The following ZNF311 variants were observed in gnomAD, a reference collection of about 807,000 sequenced individuals.
ZNF311 encodes zinc finger protein zfp31.
In ZNF311, 14 loss-of-function variants were observed where a neutral mutation model predicts 22.7. That is an observed-to-expected ratio of 0.62 (90% confidence interval 0.41 to 0.96). ZNF311 has a LOEUF of 0.96. ZNF311 is among the 40% of genes least tolerant of loss of function. The pLI is 0.00. For missense variants in ZNF311, 731 were observed against 799.0 expected (o/e 0.91, Z 1.03); for synonymous variants, 250 against 275.3 (o/e 0.91, Z 0.91).
rs371656599 is a variant in ZNF311, at chr6:28,999,549, T to G, written c.248A>C (p.Tyr83Ser). 1 of 1,613,718 alleles carries G rather than the reference T, an allele frequency of 6.2e-7. No homozygotes were observed. The highest frequency in any genetic ancestry group is 8.5e-7 in the Non-Finnish European group (1 of 1,180,000). Residue 83 changes from tyrosine to serine, a missense_variant, in exon 5 of 7, where the codon TAC becomes TCC. Tyr to Ser is a moderately radical substitution (Grantham distance 144). Coordinates refer to ENST00000377179, the MANE Select transcript of ZNF311 (RefSeq NM_001382360.1). ...ATCCTTATAGAGATGCCTTTGAGCG[T>G]AGGTCAGACACTGCCACTCCCTGTT... ...FTNREWQCLT[Y>S]AQRHLYKDVM...
At chr6:29,001,666 T>C (rs906982001) in intron 3 of ZNF311, among the ~76,000 whole-genome samples, 1 of 152,234 alleles carries the variant, frequency 6.6e-6, no homozygotes, top group Non-Finnish European at 1.5e-5. Context: ...TTCAAGTATA[T>C]AGAAAAGTTG....
Position 28,998,310 on chromosome 6 carries a change from C to T in ZNF311, c.415+424G>A, listed in dbSNP as rs146540312. ...CAGACCTCCCAAGCAGCTGGGATTA[C>T]ACCCAGCATGCACCACCACACCCAG... On this transcript the variant is annotated intron_variant, in intron 6 of 6. Transcript: ENST00000377179. 4.0e-3 allele frequency among the ~76,000 whole-genome samples: 611 copies of T among 151,186 alleles called. 14 individuals are homozygous for T. Among genetic ancestry groups the T allele is most frequent in the Admixed American group, 0.033 (500 of 15,202 alleles).
At chr6:29,002,953 T>C (rs1051753862) in intron 3 of ZNF311, among the ~76,000 whole-genome samples, 11 of 152,130 alleles carry the variant, frequency 7.2e-5, no homozygotes, top group Admixed American at 6.5e-4. Context: ...CTTAACCACT[T>C]TTCCTCCTCA....
intron 3 of ZNF311, 116 bp from the exon 4 acceptor site, chr6:29,000,163 G>T: frequency 1.1e-6 from 1 of 937,180 alleles, no homozygotes; most frequent in Non-Finnish European, 1.6e-6. Flanking sequence ...TAGGGCTTTA[G>T]GCTACTGCCT....
At position 29,003,600 on chromosome 6, in the gene ZNF311, G is replaced by A; in HGVS notation, c.10-6C>T. On this transcript the variant is annotated splice_region_variant and splice_polypyrimidine_tract_variant and intron_variant, in intron 2 of 6. Transcript: ENST00000377179. ...CTCTCATCCAACAGCACAACCTATT[G>A]CAAGACACAGAATGAATTCAGGAAA... The A allele has an allele frequency of 3.1e-6, 5 of 1,612,910 alleles. No individual in the cohort carries two copies. Among genetic ancestry groups the A allele is most frequent in the Non-Finnish European group, 4.2e-6 (5 of 1,179,958 alleles).
intron 1 of ZNF311, among the ~76,000 whole-genome samples, chr6:29,004,802 T>C (rs539856015): frequency 6.6e-6 from 1 of 152,270 alleles, no homozygotes; most frequent in South Asian, 2.1e-4. Flanking sequence ...TCCCACTCCC[T>C]CAATCTTCAG....
chr6:28,999,477 A>G lies in ZNF311; in HGVS notation c.310+10T>C. On this transcript the variant is annotated intron_variant, in intron 5 of 6. Transcript: ENST00000377179. Reference sequence around the variant, plus strand: ...AGGTAGAAAGCATTAAGTGTAGGGAAGGTCCTTACCAAGTGATACCATGTT... The same window carrying G: ...AGGTAGAAAGCATTAAGTGTAGGGAGGGTCCTTACCAAGTGATACCATGTT... The G allele has an allele frequency of 6.2e-7, 1 of 1,605,216 alleles. No individual in the cohort carries two copies. The highest frequency in any genetic ancestry group is 1.7e-4 in the Middle Eastern group (1 of 6,022).
intron 3 of ZNF311, among the ~76,000 whole-genome samples, chr6:29,002,959 C>T (rs1034954127): frequency 7.9e-5 from 12 of 152,142 alleles, no homozygotes; most frequent in African/African-American, 2.4e-4. Flanking sequence ...CACTTTTCCT[C>T]CTCACATACG....
At chr6:29,004,788 C>G (rs1446694668) in intron 1 of ZNF311, among the ~76,000 whole-genome samples, 1 of 152,162 alleles carries the variant, frequency 6.6e-6, no homozygotes, top group Non-Finnish European at 1.5e-5. Context: ...ACCTTCTACT[C>G]TTCTCCCACT....
At position 29,003,587 on chromosome 6, in the gene ZNF311, A is replaced by G; in HGVS notation, c.17T>C (p.Leu6Pro). The change falls in exon 3 of 7, where the codon CTG becomes CCG. Residue 6 changes from leucine to proline, a missense_variant. By Grantham distance (98) the Leu-to-Pro change is moderately conservative (BLOSUM62 -3). Transcript: ENST00000377179. MQEVV[L>P]LDESSGPPSQ... The stretch of plus-strand genomic sequence containing the variant: ...TGGTGGTCCTGAACTCTCATCCAAC[A>G]GCACAACCTATTGCAAGACACAGAA... 1 of 1,613,070 alleles carries G rather than the reference A, an allele frequency of 6.2e-7. No individual in the cohort carries two copies. Among genetic ancestry groups the G allele is most frequent in the Non-Finnish European group, 8.5e-7 (1 of 1,180,032 alleles).
At chr6:28,997,624 A>G (rs1301880723) in intron 6 of ZNF311, among the ~76,000 whole-genome samples, 2 of 152,212 alleles carry the variant, frequency 1.3e-5, no homozygotes, top group Non-Finnish European at 2.9e-5. Context: ...CTGAAAATCA[A>G]GTCTAATCAT....
At chr6:29,000,078 T>A (rs779980855) in intron 3 of ZNF311, 31 bp from the exon 4 acceptor site, 4 of 1,582,458 alleles carry the variant, frequency 2.5e-6, no homozygotes, top group Non-Finnish European at 3.5e-6. Context: ...CAAGAGTCAA[T>A]ATAGCACAGT....
upstream of ZNF311, among the ~76,000 whole-genome samples, chr6:29,005,551 C>G (rs965147037): frequency 3.9e-5 from 6 of 152,076 alleles, no homozygotes; most frequent in Admixed American, 2.0e-4. Flanking sequence ...CGACCCACGA[C>G]GGCCCAAGGC....
In ZNF311 at chr6:29,000,034, A is replaced by G; in HGVS notation, c.105T>C (p.Ala35=). The part of the protein sequence containing the change: ...QLPQESALLP[A]PYPAFTKDGS... Reference sequence around the variant, plus strand: ...CATCTTTAGTGAAGGCAGGATATGGAGCAGGTAATAGAGCTGAGGGAAGAT... The same window carrying G: ...CATCTTTAGTGAAGGCAGGATATGGGGCAGGTAATAGAGCTGAGGGAAGAT... Residue 35 remains alanine (A), a synonymous_variant, in exon 4 of 7, where the codon GCT becomes GCC. Coordinates refer to ENST00000377179, the MANE Select transcript of ZNF311 (RefSeq NM_001382360.1). 1 of 1,613,474 alleles carries G rather than the reference A, an allele frequency of 6.2e-7. No individual in the cohort carries two copies. The highest frequency in any genetic ancestry group is 8.5e-7 in the Non-Finnish European group (1 of 1,179,866).
chr6:28,999,636 T>C (rs1440673954), intron 4 of ZNF311, 23 bp from the exon 5 acceptor site: 1 of 1,603,620 alleles, frequency 6.2e-7, no homozygotes, highest in Non-Finnish European at 8.5e-7. Flanking sequence ...GCTCCTGCTA[T>C]CCTGGAGAAA....
At position 28,998,856 on chromosome 6, in the gene ZNF311, A is replaced by G. The variant is rs1396392555; in HGVS notation, c.311-18T>C. 2.5e-6 allele frequency: 4 copies of G among 1,575,340 alleles called. No individual in the cohort carries two copies. Among genetic ancestry groups the G allele is most frequent in the Non-Finnish European group, 2.6e-6 (3 of 1,146,146 alleles). ...TGGAAATCCTGGTTGCAGAGAAGAA[A>G]TAAGTGTGTAGAGTAACTTATAACT... is the stretch of plus-strand genomic sequence containing the variant. On this transcript the variant is annotated intron_variant, in intron 5 of 6. Coordinates refer to ENST00000377179, the MANE Select transcript of ZNF311 (RefSeq NM_001382360.1).
In ZNF311 at chr6:29,003,945, C is replaced by T. The variant is rs759434312; in HGVS notation, c.9+1G>A. 2 of 1,612,786 alleles carry T rather than the reference C, an allele frequency of 1.2e-6. No homozygotes were observed. Among genetic ancestry groups the T allele is most frequent in the Non-Finnish European group, 1.7e-6 (2 of 1,179,892 alleles). On this transcript the variant is annotated splice_donor_variant, in intron 2 of 6. Transcript: ENST00000377179. LOFTEE classifies it high-confidence loss of function. Reference sequence around the variant, plus strand: ...TGTATCACAGACCCTCCTCTTCTTACCTCCTGCATCTTTTTACTCAGGTTT... The same window carrying T: ...TGTATCACAGACCCTCCTCTTCTTATCTCCTGCATCTTTTTACTCAGGTTT...
chr6:29,004,304 ATG>A, intron 1 of ZNF311, 90 bp from the exon 2 acceptor site: 1 of 899,798 alleles, frequency 1.1e-6, no homozygotes, highest in Non-Finnish European at 1.5e-6. Flanking sequence ...CAAACTGAAA[ATG>A]TGAACATATC....
rs1236525516 is a variant in ZNF311 at position 29,004,004 on chromosome 6, T to A, written c.-50A>T. 1 of 1,612,866 alleles carries A rather than the reference T, an allele frequency of 6.2e-7. No individual in the cohort carries two copies. The highest frequency in any genetic ancestry group is 1.3e-5 in the African/African-American group (1 of 74,942). On this transcript the variant is annotated 5_prime_UTR_variant, in exon 2 of 7. Transcript: ENST00000377179. ...GTCTTCCACTGCTGTCCTGGTTTCT[T>A]CCTACTGGTCAGATCCAGTTCTCAA... is the stretch of plus-strand genomic sequence containing the variant.
Sources: gnomAD v4.1 joint callset for allele counts (sites outside exome capture counted in the v4.1 genomes callset) on GRCh38, gnomAD v4.1.1 for gene constraint, MANE v1.5 for transcripts, NCBI Gene and HGNC (gene_info 2026-07-23, HGNC 2026-07-21) for gene names.